The following HIBCH variants were observed in gnomAD, a reference collection of about 807,000 sequenced individuals.
The protein encoded by HIBCH is 3-hydroxyisobutyryl-CoA hydrolase, mitochondrial.
Under a neutral mutation model 58.2 loss-of-function variants are expected in HIBCH, and 50 were observed. That is an observed-to-expected ratio of 0.86 (90% CI 0.68 to 1.09). The LOEUF is 1.09. Ranked by LOEUF, HIBCH falls within the 50% of genes least tolerant of loss-of-function variation. The pLI is 0.00. For missense variants in HIBCH, 450 were observed against 449.7 expected (o/e 1.00, Z -0.01); for synonymous variants, 151 against 146.9 (o/e 1.03, Z -0.20).
chr2:190,311,854 T>C (rs1388993879), intron 1 of HIBCH, among the ~76,000 whole-genome samples: 2 of 152,208 alleles, frequency 1.3e-5, no homozygotes, highest in Non-Finnish European at 2.9e-5. Flanking sequence ...TTCTATTTTT[T>C]GCTGTCTTAA....
intron 1 of HIBCH, chr2:190,190,123 A>G (rs1044864309): frequency 6.6e-6 from 1 of 152,244 alleles, no homozygotes; most frequent in African/African-American, 2.4e-5. Flanking sequence ...TAAAGGTACA[A>G]TCTAACATGT....
intron 5 of HIBCH, among the ~76,000 whole-genome samples, 189 bp downstream of exon 5, chr2:190,290,216 C>G (rs1336176327): frequency 6.6e-6 from 1 of 151,982 alleles, no homozygotes; most frequent in Non-Finnish European, 1.5e-5. Context: ...TTAAGTATAG[C>G]CTACTAATAT....
At position 190,243,014 on chromosome 2, in the gene HIBCH, T is replaced by G. The variant is rs2105931447; in HGVS notation, c.891+1873A>C. ...CTCAGGAGATGTGTATGGGTTCAAG[T>G]TGACAAGGGGTGGACTTGTGATGGT... is the stretch of plus-strand genomic sequence containing the variant. On this transcript the variant is annotated intron_variant, in intron 11 of 13. Transcript: ENST00000359678. The surrounding 1 kb of genome is among the most constrained non-coding windows in gnomAD (Gnocchi z 4.1). Among the ~76,000 whole-genome samples the G allele has an allele frequency of 6.6e-6, 1 of 152,294 alleles. No individual in the cohort carries two copies. The highest frequency in any genetic ancestry group is 2.4e-5 in the African/African-American group (1 of 41,558).
chr2:190,217,662 T>C lies in HIBCH; in HGVS notation c.892-4587A>G, dbSNP rs1367246129. On this transcript the variant is annotated intron_variant, in intron 11 of 13. Coordinates refer to ENST00000359678, the MANE Select transcript of HIBCH (RefSeq NM_014362.4). This position sits in a 1 kb window ranked among gnomAD's most constrained non-coding sequence, Gnocchi z 4.6. ...AACTTCTAACTCGAACCCTGCCTCT[T>C]GAGTTCACAGTTCACCACTTCCAGG... is the stretch of plus-strand genomic sequence containing the variant. Among the ~76,000 whole-genome samples, 1 of 152,162 alleles carries C rather than the reference T, an allele frequency of 6.6e-6. No individual in the cohort carries two copies. Among genetic ancestry groups the C allele is most frequent in the Non-Finnish European group, 1.5e-5 (1 of 68,026 alleles).
chr2:190,290,284 C>T lies in HIBCH; in HGVS notation c.385+121G>A, dbSNP rs992386247. ...AATAGTTTAATCAACTTTACTTATG[C>T]CTGGCACATGGTATTAAAAGTTTAA... On this transcript the variant is annotated intron_variant, in intron 5 of 13. Coordinates refer to ENST00000359678, the MANE Select transcript of HIBCH (RefSeq NM_014362.4). The T allele has an allele frequency of 9.7e-6, 7 of 724,448 alleles. No homozygotes were observed. The Admixed American group carries it at 1.1e-4, about 11-fold the overall frequency. The allele number at this position is 724,448 out of a possible 1,614,324, so 44.9% of individuals were successfully genotyped here.
At chr2:190,265,330 T>C (rs1687202782) in intron 6 of HIBCH, among the ~76,000 whole-genome samples, 1 of 152,078 alleles carries the variant, frequency 6.6e-6, no homozygotes, top group Admixed American at 6.5e-5. Context: ...GAAGTTTTAA[T>C]TTGCATATCC....
In HIBCH at chr2:190,209,395, G is replaced by A. The variant is rs1205421942; in HGVS notation, c.1012-482C>T. On this transcript the variant is annotated intron_variant, in intron 12 of 13. Transcript: ENST00000359678. The surrounding 1 kb of genome is among the most constrained non-coding windows in gnomAD (Gnocchi z 5.6). ...GTGACTGGTTTCATTTAAAATTCAT[G>A]ATCAAAAATCTCAAACAGGCACAGA... Among the ~76,000 whole-genome samples the A allele has an allele frequency of 6.6e-6, 1 of 152,118 alleles. No homozygotes were observed. The highest frequency in any genetic ancestry group is 2.4e-5 in the African/African-American group (1 of 41,422).
At chr2:190,246,021 C>G in intron 10 of HIBCH, 133 bp downstream of exon 10, 2 of 556,474 alleles carry the variant, frequency 3.6e-6, no homozygotes, top group South Asian at 4.1e-5. Context: ...AAGGAAAGCT[C>G]TATACTTTCT....
intron 11 of HIBCH, among the ~76,000 whole-genome samples, chr2:190,239,834 G>A (rs1686399315): frequency 6.6e-6 from 1 of 152,000 alleles, no homozygotes; most frequent in Non-Finnish European, 1.5e-5. Flanking sequence ...ATTTTTAATA[G>A]AGACAGGGTT....
At position 190,249,667 on chromosome 2, in the gene HIBCH, T is replaced by C; in HGVS notation, c.723A>G (p.Ala241=). The stretch of plus-strand genomic sequence containing the variant: ...CTGTATGGTAATTTTCTAAGACAGA[T>C]GCAATATTTTCTTTTGAAGGAGATT... ...ALKSPSKENI[A]SVLENYHTES... The change falls in exon 9 of 14, where the codon GCA becomes GCG. Residue 241 remains alanine, a synonymous_variant. Coordinates refer to ENST00000359678, the MANE Select transcript of HIBCH (RefSeq NM_014362.4). The C allele has an allele frequency of 1.2e-6, 2 of 1,604,890 alleles. No individual in the cohort carries two copies. The highest frequency in any genetic ancestry group is 1.7e-6 in the Non-Finnish European group (2 of 1,171,956).
intron 6 of HIBCH, among the ~76,000 whole-genome samples, chr2:190,266,870 C>T (rs1687255457): frequency 6.6e-6 from 1 of 152,122 alleles, no homozygotes; most frequent in African/African-American, 2.4e-5. Context: ...AATTTTCCTG[C>T]CTCAGCCTCC....
intron 6 of HIBCH, among the ~76,000 whole-genome samples, chr2:190,282,094 C>G (rs1468280503): frequency 2.6e-5 from 4 of 152,196 alleles, no homozygotes; most frequent in Non-Finnish European, 5.9e-5. Flanking sequence ...ATGCTCCGTT[C>G]ACAGCAATAC....
At chr2:190,307,754 T>C (rs902628884) in intron 2 of HIBCH, among the ~76,000 whole-genome samples, 1 of 152,180 alleles carries the variant, frequency 6.6e-6, no homozygotes. Flanking sequence ...AGTAAGAATA[T>C]GTCCAAATTA....
intron 7 of HIBCH, among the ~76,000 whole-genome samples, chr2:190,255,227 C>G (rs532163806): frequency 6.6e-5 from 10 of 152,190 alleles, no homozygotes; most frequent in Non-Finnish European, 1.5e-4. Flanking sequence ...CCCATGTACC[C>G]TTTTGAGAGC....
intron 13 of HIBCH, 83 bp downstream of exon 13, chr2:190,208,797 C>A (rs753181448): frequency 4.1e-6 from 5 of 1,211,248 alleles, no homozygotes; most frequent in Non-Finnish European, 6.1e-6. Flanking sequence ...ATTTGGGATG[C>A]ATAATCTGTA....
rs543048331 is a variant in HIBCH at position 190,295,512 on chromosome 2, T to C, written c.220-882A>G. 7.9e-5 allele frequency among the ~76,000 whole-genome samples: 12 copies of C among 152,352 alleles called. No individual in the cohort carries two copies. The South Asian group carries it at 2.3e-3, about 29-fold the overall frequency. ...GGTGTGGAATTTTCCACTTGTGGCATCATGTTGATGCTTAAAGAGTTTTTG... is the reference window on the plus strand; with the variant it reads ...GGTGTGGAATTTTCCACTTGTGGCACCATGTTGATGCTTAAAGAGTTTTTG... On this transcript the variant is annotated intron_variant, in intron 3 of 13. Coordinates refer to ENST00000359678, the MANE Select transcript of HIBCH (RefSeq NM_014362.4).
At chr2:190,201,331 T>G (rs954726470), downstream of HIBCH, 2 of 166,866 alleles carry the variant, frequency 1.2e-5, no homozygotes, top group Non-Finnish European at 2.9e-5. Flanking sequence ...AACAGAAAAT[T>G]TGGGAGGGAG....
intron 6 of HIBCH, among the ~76,000 whole-genome samples, chr2:190,285,889 C>A (rs1687816157): frequency 6.6e-6 from 1 of 152,046 alleles, no homozygotes; most frequent in Non-Finnish European, 1.5e-5. Flanking sequence ...ACTCTGTCAC[C>A]CAGGCTGGAG....
chr2:190,204,196 A>G lies in HIBCH; in HGVS notation c.*921T>C, dbSNP rs1690332171. On this transcript the variant is annotated 3_prime_UTR_variant, in exon 14 of 14. Transcript: ENST00000359678. ...TCATTAACAATATCAATTATTGAAT[A>G]TATCTTTTGAACAAAAGTCTTCTTG... 1 of 152,090 alleles carries G rather than the reference A, an allele frequency of 6.6e-6. No homozygotes were observed. Among genetic ancestry groups the G allele is most frequent in the Admixed American group, 6.5e-5 (1 of 15,274 alleles). 9.4% of individuals were successfully genotyped at this position (152,090 alleles called of 1,614,324 possible). A position where few individuals can be genotyped will look rare whatever the true frequency, so the allele number is the denominator to read the frequency against.
Sources: allele counts gnomAD v4.1 joint callset (sites outside exome capture counted in the v4.1 genomes callset), GRCh38; gene constraint gnomAD v4.1.1; non-coding constraint Gnocchi (gnomAD v3.1); transcripts MANE v1.5; gene names NCBI Gene and HGNC (gene_info 2026-07-23, HGNC 2026-07-21).